Variants in CLPB observed in about 807,000 individuals in gnomAD.
CLPB encodes ClpB family mitochondrial disaggregase.
Under a neutral mutation model 78.4 loss-of-function variants are expected in CLPB, and 40 were observed. That is an observed-to-expected ratio of 0.51 (90% CI 0.40 to 0.66). The LOEUF (loss-of-function observed/expected upper bound fraction) is 0.66. Among genes scored for constraint, CLPB ranks in the 30% least tolerant of loss-of-function variants. The pLI is 0.00. For missense variants in CLPB, 780 were observed against 886.9 expected (o/e 0.88, Z 1.53); for synonymous variants, 333 against 348.0 (o/e 0.96, Z 0.48).
At chr11:72,342,493 GA>G (rs778875930) in intron 5 of CLPB, among the ~76,000 whole-genome samples, 1 of 152,064 alleles carries the variant, frequency 6.6e-6, no homozygotes, top group Non-Finnish European at 1.5e-5. Context: ...AAATGTTCAC[GA>G]CTTTCCTGGA....
intron 14 of CLPB, 40 bp downstream of exon 14, chr11:72,294,285 C>T (rs1949507905): frequency 1.2e-6 from 2 of 1,613,940 alleles, no homozygotes; most frequent in Admixed American, 3.3e-5. Context: ...TTTCCAGTGG[C>T]TGGCTATCCC....
In CLPB at chr11:72,307,268, A is replaced by G; in HGVS notation, c.1067-14T>C. 6.2e-7 allele frequency: 1 copy of G among 1,613,398 alleles called. No homozygotes were observed. Among genetic ancestry groups the G allele is most frequent in the Non-Finnish European group, 8.5e-7 (1 of 1,179,478 alleles). On this transcript the variant is annotated splice_polypyrimidine_tract_variant and intron_variant, in intron 8 of 15. Coordinates refer to ENST00000538039, the MANE Select transcript of CLPB (RefSeq NM_001258392.3). ...GCTCTGTTTTTCCTAGTAAGAAAGA[A>G]GGGGGAGGTGTTGGGTTAGAACCAG...
chr11:72,365,042 G>A (rs1429608971), intron 4 of CLPB, among the ~76,000 whole-genome samples: 6 of 152,192 alleles, frequency 3.9e-5, no homozygotes, highest in African/African-American at 1.4e-4. Flanking sequence ...CAATGAGGCT[G>A]GGGGTGGTGG....
Position 72,316,992 on chromosome 11 carries a change from AC to A in CLPB, c.988+113del, listed in dbSNP as rs1949954598. 5 of 647,350 alleles carry A rather than the reference AC, an allele frequency of 7.7e-6. No homozygotes were observed. In the East Asian group the frequency reaches 1.5e-4, roughly 19 times the overall value. The allele number at this position is 647,350 out of a possible 1,614,324, so 40.1% of individuals were successfully genotyped here. A position where few individuals can be genotyped will look rare whatever the true frequency, so the allele number is the denominator to read the frequency against. The stretch of plus-strand genomic sequence containing the variant: ...TAACAATGTCTGGCATGTAGATAGT[AC>A]TCAACAAATGCTAATTTTTAATATT... On this transcript the variant is annotated intron_variant, in intron 7 of 15. Coordinates refer to ENST00000538039, the MANE Select transcript of CLPB (RefSeq NM_001258392.3).
intron 1 of CLPB, 39 bp from the exon 2 acceptor site, chr11:72,430,402 G>C (rs767906991): frequency 1.9e-6 from 3 of 1,602,606 alleles, no homozygotes; most frequent in Non-Finnish European, 2.6e-6. Flanking sequence ...CCGCGGCCAG[G>C]ACATACCCAT....
chr11:72,430,873 C>CT (rs1157473488), intron 1 of CLPB, among the ~76,000 whole-genome samples: 1 of 152,126 alleles, frequency 6.6e-6, no homozygotes, highest in Non-Finnish European at 1.5e-5. Flanking sequence ...AACTAGGAGT[C>CT]TTTGAGATCT....
At chr11:72,425,907 T>C (rs1446494338) in intron 2 of CLPB, among the ~76,000 whole-genome samples, 2 of 152,176 alleles carry the variant, frequency 1.3e-5, no homozygotes, top group African/African-American at 2.4e-5. Flanking sequence ...GTTTGTCCTC[T>C]GGTCTCCTGC....
intron 2 of CLPB, 74 bp from the exon 3 acceptor site, chr11:72,403,126 A>G: frequency 1.4e-6 from 2 of 1,382,874 alleles, no homozygotes; most frequent in Non-Finnish European, 2.1e-6. Context: ...CTAAAACAAG[A>G]CAGAGGAATA....
At chr11:72,326,762 T>G (rs548668438) in intron 6 of CLPB, among the ~76,000 whole-genome samples, 1 of 152,310 alleles carries the variant, frequency 6.6e-6, no homozygotes, top group East Asian at 1.9e-4. Context: ...TCTTACTTAC[T>G]GGCAGAGGGA....
At chr11:72,381,072 A>G (rs140057231) in intron 3 of CLPB, among the ~76,000 whole-genome samples, 1 of 152,358 alleles carries the variant, frequency 6.6e-6, no homozygotes, top group African/African-American at 2.4e-5. Flanking sequence ...AAATACCTTC[A>G]CAAGAGCTAA....
At chr11:72,347,125 A>C (rs1950531221) in intron 5 of CLPB, among the ~76,000 whole-genome samples, 1 of 152,140 alleles carries the variant, frequency 6.6e-6, no homozygotes, top group Admixed American at 6.5e-5. Context: ...CTGGAGTTAG[A>C]AAACATGGAA....
intron 11 of CLPB, 76 bp downstream of exon 11, chr11:72,301,727 C>G (rs1949658788): frequency 6.7e-7 from 1 of 1,487,346 alleles, no homozygotes; most frequent in African/African-American, 1.4e-5. Flanking sequence ...AGCCTCTGGG[C>G]CCTTGCTTTC....
intron 7 of CLPB, among the ~76,000 whole-genome samples, chr11:72,313,516 AC>A (rs1220414585): frequency 1.3e-5 from 2 of 152,230 alleles, no homozygotes; most frequent in Non-Finnish European, 2.9e-5. Context: ...GCCCAACCTT[AC>A]AGAAAAAGAG....
At chr11:72,370,381 T>C (rs937261856) in intron 4 of CLPB, among the ~76,000 whole-genome samples, 1 of 152,160 alleles carries the variant, frequency 6.6e-6, no homozygotes, top group African/African-American at 2.4e-5. Context: ...AACTGGCTGA[T>C]TCATTTAATC....
intron 5 of CLPB, among the ~76,000 whole-genome samples, chr11:72,334,555 G>T (rs1950286892): frequency 1.3e-5 from 2 of 152,180 alleles, no homozygotes; most frequent in African/African-American, 4.8e-5. Context: ...TCACCTCCAC[G>T]ACCAACGGCC....
intron 3 of CLPB, among the ~76,000 whole-genome samples, chr11:72,394,357 T>C (rs1360591103): frequency 2.6e-5 from 4 of 152,096 alleles, no homozygotes; most frequent in Non-Finnish European, 5.9e-5. Context: ...CACTGGATGC[T>C]TTCCTATCCC....
chr11:72,318,311 G>A (rs1181159259), intron 6 of CLPB, among the ~76,000 whole-genome samples: 1 of 152,202 alleles, frequency 6.6e-6, no homozygotes, highest in Non-Finnish European at 1.5e-5. Context: ...CTGTTGGGGG[G>A]CTTTCTGGGG....
intron 4 of CLPB, among the ~76,000 whole-genome samples, chr11:72,374,512 A>T (rs2135663077): frequency 6.6e-6 from 1 of 152,324 alleles, no homozygotes; most frequent in Non-Finnish European, 1.5e-5. Flanking sequence ...CATACCAAGC[A>T]TCCTTGGGTT....
In CLPB at chr11:72,293,610, T is replaced by C; in HGVS notation, c.1791A>G (p.Glu597=). Residue 597 remains glutamate (E), a synonymous_variant, in exon 16 of 16, where the codon GAA becomes GAG. Transcript: ENST00000538039. ...YGARSIKHEV[E]RRVVNQLAAA... Reference sequence around the variant, plus strand: ...CTGCCAGCTGGTTCACCACACGGCGTTCTACCTGTCGGTGGGGAGGTGAAG... The same window carrying C: ...CTGCCAGCTGGTTCACCACACGGCGCTCTACCTGTCGGTGGGGAGGTGAAG... 6.2e-7 allele frequency: 1 copy of C among 1,610,492 alleles called. No individual in the cohort carries two copies. The highest frequency in any genetic ancestry group is 8.5e-7 in the Non-Finnish European group (1 of 1,177,176).
Sources: allele counts gnomAD v4.1 joint callset (sites outside exome capture counted in the v4.1 genomes callset), GRCh38; gene constraint gnomAD v4.1.1; transcripts MANE v1.5; gene names NCBI Gene and HGNC (gene_info 2026-07-23, HGNC 2026-07-21).